CALN1: variants seen among roughly 807,000 people sequenced by gnomAD.
The protein encoded by CALN1 is calcium-binding protein 8.
In CALN1, 17 loss-of-function variants were observed where a neutral mutation model predicts 30.6. The ratio of observed to expected loss-of-function variants is 0.56; its 90% CI spans 0.38 to 0.83. The LOEUF is 0.83. Ranked by LOEUF, CALN1 falls within the 40% of genes least tolerant of loss-of-function variation. The pLI is 0.00. For missense variants in CALN1, 291 were observed against 354.9 expected (o/e 0.82, Z 1.45); for synonymous variants, 156 against 131.4 (o/e 1.19, Z -1.28).
intron 3 of CALN1, among the ~76,000 whole-genome samples, chr7:72,178,769 T>C (rs544338655): frequency 1.3e-5 from 2 of 152,282 alleles, no homozygotes; most frequent in South Asian, 2.1e-4. Context: ...TTTACGCATA[T>C]TGTAGATGTC....
In CALN1 at chr7:71,869,213, CT is replaced by C. The variant is rs1263130281; in HGVS notation, c.502-58722del. ...ACTTTTTCAAGACCTGGAAAAAACACTTTTTTTTTTTTTTGAGATGGAGTTT... is the reference window on the plus strand; with the variant it reads ...ACTTTTTCAAGACCTGGAAAAAACACTTTTTTTTTTTTTGAGATGGAGTTT... On this transcript the variant is annotated intron_variant, in intron 5 of 6. Transcript: ENST00000395275. Among the ~76,000 whole-genome samples the C allele has an allele frequency of 5.3e-3, 769 of 144,254 alleles. 5 individuals carry two copies. Among genetic ancestry groups the C allele is most frequent in the African/African-American group, 0.013 (524 of 39,622 alleles). 94.6% of individuals were successfully genotyped at this position (144,254 alleles called of 152,430 possible). A position where few individuals can be genotyped will look rare whatever the true frequency, so the allele number is the denominator to read the frequency against.
chr7:71,938,470 C>A (rs1033456532), intron 5 of CALN1, among the ~76,000 whole-genome samples: 4 of 151,768 alleles, frequency 2.6e-5, no homozygotes, highest in African/African-American at 9.7e-5. Flanking sequence ...GAGAGTGGGG[C>A]GGGGGAAAGA....
At chr7:72,102,010 C>G (rs748450221) in intron 4 of CALN1, among the ~76,000 whole-genome samples, 1 of 152,146 alleles carries the variant, frequency 6.6e-6, no homozygotes, top group Non-Finnish European at 1.5e-5. Context: ...TAAAGATTAT[C>G]AAATGCAGTC....
rs1373820649 is a variant in CALN1 at position 72,103,079 on chromosome 7, A to C, written c.388+3072T>G. 7.8e-4 allele frequency: 116 copies of C among 148,670 alleles called. 3 individuals carry two copies. In the Middle Eastern group the frequency reaches 0.014, roughly 17 times the overall value. 9.2% of individuals were successfully genotyped at this position (148,670 alleles called of 1,614,324 possible). ...AGAGCGAGACTCCGTCAAAAAAAAA[A>C]AAAAAAAAAAAAAAAAAAGGAAGTG... On this transcript the variant is annotated intron_variant, in intron 4 of 6. Transcript: ENST00000395275.
chr7:71,940,159 T>C (rs909028243), intron 5 of CALN1, among the ~76,000 whole-genome samples: 10 of 152,200 alleles, frequency 6.6e-5, no homozygotes, highest in Non-Finnish European at 1.2e-4. Flanking sequence ...GATCTCCACT[T>C]TTTTTCTCCT....
intron 3 of CALN1, among the ~76,000 whole-genome samples, chr7:72,220,612 T>C (rs900567482): frequency 5.3e-5 from 8 of 152,176 alleles, no homozygotes; most frequent in African/African-American, 1.2e-4. Context: ...CCTGAGGAAT[T>C]GCCACACTGA....
intron 5 of CALN1, among the ~76,000 whole-genome samples, chr7:72,002,474 T>C (rs1473906548): frequency 2.0e-5 from 3 of 152,174 alleles, no homozygotes; most frequent in African/African-American, 7.2e-5. Context: ...CATATCACTT[T>C]TGCATCATTA....
At chr7:71,826,738 G>A (rs1788938064) in intron 5 of CALN1, among the ~76,000 whole-genome samples, 1 of 152,190 alleles carries the variant, frequency 6.6e-6, no homozygotes, top group African/African-American at 2.4e-5. Context: ...CTCGCCCAAT[G>A]TGGGGTCTCA....
chr7:72,115,416 T>C (rs1023568271), intron 3 of CALN1, among the ~76,000 whole-genome samples: 17 of 149,204 alleles, frequency 1.1e-4, no homozygotes, highest in Non-Finnish European at 2.2e-4. Context: ...GTCAAAAATA[T>C]AATTTACCAT....
chr7:71,790,107 A>G (rs939914675), intron 6 of CALN1, among the ~76,000 whole-genome samples: 1 of 147,572 alleles, frequency 6.8e-6, no homozygotes, highest in Admixed American at 6.8e-5. Context: ...ACCCTGCAGG[A>G]GAGAGAGAGA....
chr7:72,000,567 T>C (rs1427531190), intron 5 of CALN1, among the ~76,000 whole-genome samples: 1 of 152,170 alleles, frequency 6.6e-6, no homozygotes, highest in African/African-American at 2.4e-5. Context: ...CAAGCCTAAA[T>C]AGTTACATTG....
At chr7:72,251,726 C>G (rs1432662925) in intron 3 of CALN1, among the ~76,000 whole-genome samples, 1 of 152,096 alleles carries the variant, frequency 6.6e-6, no homozygotes, top group Non-Finnish European at 1.5e-5. Context: ...TTTATGGCAT[C>G]TAATAGATTA....
chr7:71,999,731 G>A (rs946697851), intron 5 of CALN1, among the ~76,000 whole-genome samples: 32 of 151,924 alleles, frequency 2.1e-4, no homozygotes, highest in African/African-American at 6.3e-4. Flanking sequence ...CAGGCTGGTC[G>A]CAAACTTCTG....
chr7:72,327,805 T>A (rs989290760), intron 2 of CALN1, among the ~76,000 whole-genome samples: 7 of 152,184 alleles, frequency 4.6e-5, no homozygotes, highest in African/African-American at 1.4e-4. Context: ...CTCTGAATAC[T>A]AAAAAGGCAA....
At chr7:72,087,278 C>T (rs142057662) in intron 4 of CALN1, among the ~76,000 whole-genome samples, 1 of 152,124 alleles carries the variant, frequency 6.6e-6, no homozygotes, top group African/African-American at 2.4e-5. Context: ...TTTGTTACTA[C>T]AAGAAATGCC....
chr7:72,226,695 T>C (rs953038975), intron 3 of CALN1, among the ~76,000 whole-genome samples: 4 of 152,132 alleles, frequency 2.6e-5, no homozygotes, highest in Non-Finnish European at 5.9e-5. Context: ...CAAAATCAAA[T>C]ACCGCACGTT....
At chr7:71,803,475 G>A (rs987352609) in intron 6 of CALN1, among the ~76,000 whole-genome samples, 1 of 151,984 alleles carries the variant, frequency 6.6e-6, no homozygotes, top group African/African-American at 2.4e-5. Flanking sequence ...AGGAAGACTT[G>A]CCTTCTTTTT....
chr7:72,229,180 T>C (rs769928017), intron 3 of CALN1, among the ~76,000 whole-genome samples: 5 of 152,030 alleles, frequency 3.3e-5, no homozygotes, highest in Non-Finnish European at 7.4e-5. Context: ...TCTCCAAAGA[T>C]GACCATGTCC....
rs573990501 is a variant in CALN1, at chr7:72,008,475, T to C, written c.501+15182A>G. ...CACAAATTATTATTATAAATGATAA[T>C]AAATGATCAGAACAAGAAGCAAGAG... On this transcript the variant is annotated intron_variant, in intron 5 of 6. Coordinates refer to ENST00000395275, the MANE Select transcript of CALN1 (RefSeq NM_031468.4). Among the ~76,000 whole-genome samples the C allele has an allele frequency of 3.2e-4, 48 of 148,588 alleles. 1 individual carries two copies. The highest frequency in any genetic ancestry group is 3.2e-3 in the Admixed American group (48 of 15,006).
Sources: allele counts gnomAD v4.1 joint callset (sites outside exome capture counted in the v4.1 genomes callset), GRCh38; gene constraint gnomAD v4.1.1; transcripts MANE v1.5; gene names NCBI Gene and HGNC (gene_info 2026-07-23, HGNC 2026-07-21).